The following ZFAT variants were observed in gnomAD, a reference collection of about 807,000 sequenced individuals.
ZFAT encodes zinc finger and AT-hook domain containing.
In ZFAT, 64 loss-of-function variants were observed where a neutral mutation model predicts 117.7. That is an observed-to-expected ratio of 0.54 (90% CI 0.44 to 0.67). The LOEUF (loss-of-function observed/expected upper bound fraction) is 0.67, where lower values mean the gene tolerates loss of function less well. ZFAT is among the 30% of genes least tolerant of loss of function. The pLI, the probability that ZFAT is intolerant of heterozygous loss-of-function variation, is 0.00. For synonymous variants in ZFAT, 679 were observed against 615.0 expected (o/e 1.10, Z -1.54); for missense variants, 1,433 against 1,584.5 (o/e 0.90, Z 1.62).
In ZFAT at chr8:134,478,446, A is replaced by G. The variant is rs372107897; in HGVS notation, c.*36T>C. 609 of 1,538,680 alleles carry G rather than the reference A, an allele frequency of 4.0e-4. No individual in the cohort carries two copies. Among genetic ancestry groups the G allele is most frequent in the Non-Finnish European group, 5.0e-4 (565 of 1,138,604 alleles). Reference sequence around the variant, plus strand: ...ACCCTGGGTGCCTGCAGAGCCTGGCAGCCCCGCCCTGTGGCCATCCGATGC... The same window carrying G: ...ACCCTGGGTGCCTGCAGAGCCTGGCGGCCCCGCCCTGTGGCCATCCGATGC... On this transcript the variant is annotated 3_prime_UTR_variant, in exon 16 of 16. Transcript: ENST00000377838. The surrounding 1 kb of genome is among the most constrained non-coding windows in gnomAD (Gnocchi z 5.2).
At chr8:134,679,341 C>T (rs1470090807) in intron 1 of ZFAT, among the ~76,000 whole-genome samples, 1 of 152,214 alleles carries the variant, frequency 6.6e-6, no homozygotes, top group African/African-American at 2.4e-5. Flanking sequence ...TGAAAAAATG[C>T]TCATCATCAC....
chr8:134,649,890 T>TG (rs35975506), intron 2 of ZFAT, among the ~76,000 whole-genome samples: 111,707 of 151,934 alleles, frequency 0.74, 41,488 homozygotes, highest in East Asian at 0.83. Flanking sequence ...GTGGATGTAA[T>TG]GGATCACTGG....
At chr8:134,579,145 G>A (rs902017345) in intron 10 of ZFAT, among the ~76,000 whole-genome samples, 7 of 152,188 alleles carry the variant, frequency 4.6e-5, no homozygotes, top group African/African-American at 1.7e-4. Flanking sequence ...TAAGCTTGGG[G>A]GGCCAGGTGG....
intron 3 of ZFAT, among the ~76,000 whole-genome samples, chr8:134,630,261 G>T (rs553689810): frequency 6.6e-6 from 1 of 152,200 alleles, no homozygotes; most frequent in South Asian, 2.1e-4. Context: ...TAGTACAGAG[G>T]AAAAAATGAG....
At chr8:134,630,617 G>C (rs1829820978) in intron 3 of ZFAT, among the ~76,000 whole-genome samples, 1 of 152,134 alleles carries the variant, frequency 6.6e-6, no homozygotes, top group African/African-American at 2.4e-5. Context: ...AACAAGCTTA[G>C]AAAAGTTCAG....
At chr8:134,517,864 C>T (rs1262844282) in intron 13 of ZFAT, among the ~76,000 whole-genome samples, 1 of 152,174 alleles carries the variant, frequency 6.6e-6, no homozygotes, top group Non-Finnish European at 1.5e-5. Flanking sequence ...GTTAAGAATA[C>T]CATGAGATGA....
the ZFAT span, chr8:134,800,505 T>C: frequency 4.0e-6 from 2 of 503,374 alleles, no homozygotes; most frequent in Non-Finnish European, 4.2e-6. Flanking sequence ...TTTATCAATG[T>C]TAATTGGTTG....
At chr8:134,737,890 T>C in the ZFAT span, among the ~76,000 whole-genome samples, 3 of 152,186 alleles carry the variant, frequency 2.0e-5, no homozygotes, top group Admixed American at 2.0e-4. Flanking sequence ...CCATCAATTA[T>C]TTGAGAAATG....
intron 2 of ZFAT, among the ~76,000 whole-genome samples, chr8:134,648,338 T>C (rs930398926): frequency 6.6e-6 from 1 of 151,448 alleles, no homozygotes; most frequent in African/African-American, 2.4e-5. Context: ...AAAGAGATTA[T>C]ATAAAATATA....
intron 13 of ZFAT, among the ~76,000 whole-genome samples, chr8:134,517,289 C>A (rs1820321875): frequency 6.6e-6 from 1 of 151,546 alleles, no homozygotes; most frequent in African/African-American, 2.4e-5. Context: ...AATACTTTTA[C>A]AATATTTTAT....
intron 7 of ZFAT, among the ~76,000 whole-genome samples, chr8:134,590,821 T>C (rs927509215): frequency 6.6e-6 from 1 of 151,168 alleles, no homozygotes; most frequent in Non-Finnish European, 1.5e-5. Context: ...ACCATCAACA[T>C]CACCACGACC....
At chr8:134,799,597 C>T in the ZFAT span, among the ~76,000 whole-genome samples, 4 of 152,104 alleles carry the variant, frequency 2.6e-5, no homozygotes, top group African/African-American at 9.7e-5. Context: ...CAGGTAGGTG[C>T]TATTATAATT....
At chr8:134,601,339 C>T (rs747225014) in intron 6 of ZFAT, 138 bp downstream of exon 6, 13 of 1,304,736 alleles carry the variant, frequency 1.0e-5, no homozygotes, top group South Asian at 4.5e-5. Flanking sequence ...ACAGGGTCAC[C>T]GTTCCTATCT....
chr8:134,513,816 T>C (rs1393869244), intron 13 of ZFAT, among the ~76,000 whole-genome samples: 1 of 152,208 alleles, frequency 6.6e-6, no homozygotes, highest in Non-Finnish European at 1.5e-5. Context: ...CAGAATAGCA[T>C]ATAATATTCC....
the ZFAT span, among the ~76,000 whole-genome samples, chr8:134,831,872 G>C: frequency 6.6e-6 from 1 of 152,020 alleles, no homozygotes; most frequent in South Asian, 2.1e-4. Flanking sequence ...ACGCCCCCCA[G>C]AGGCCGTGTC....
chr8:134,485,147 G>A (rs1817578098), intron 15 of ZFAT, among the ~76,000 whole-genome samples: 1 of 152,178 alleles, frequency 6.6e-6, no homozygotes, highest in Admixed American at 6.5e-5. Flanking sequence ...TAGAGAAGAG[G>A]CAGACTCAGG....
chr8:134,808,446 G>T, the ZFAT span, among the ~76,000 whole-genome samples: 1 of 152,162 alleles, frequency 6.6e-6, no homozygotes, highest in Non-Finnish European at 1.5e-5. Flanking sequence ...TTTTAATTCA[G>T]TGGGAAAAAT....
At chr8:134,572,856 G>C (rs1825026532) in intron 10 of ZFAT, among the ~76,000 whole-genome samples, 1 of 151,028 alleles carries the variant, frequency 6.6e-6, no homozygotes, top group Non-Finnish European at 1.5e-5. Context: ...AGAAATTGCA[G>C]AATTTAGAAT....
intron 1 of ZFAT, among the ~76,000 whole-genome samples, chr8:134,712,560 C>G (rs1397680716): frequency 6.6e-6 from 1 of 152,146 alleles, no homozygotes; most frequent in South Asian, 2.1e-4. Context: ...TGGCCCGCGC[C>G]CCAACGCCAC....
Sources: gnomAD v4.1 joint callset for allele counts (sites outside exome capture counted in the v4.1 genomes callset) on GRCh38, gnomAD v4.1.1 for gene constraint, Gnocchi (gnomAD v3.1) non-coding constraint, MANE v1.5 for transcripts, NCBI Gene and HGNC (gene_info 2026-07-23, HGNC 2026-07-21) for gene names.